Variants in U2SURP observed in about 807,000 individuals in gnomAD.
U2SURP encodes the protein U2 snRNP associated SURP domain containing.
Under a neutral mutation model 144.9 loss-of-function variants are expected in U2SURP, and 9 were observed. The ratio of observed to expected loss-of-function variants is 0.06; its 90% CI spans 0.04 to 0.11. The LOEUF (loss-of-function observed/expected upper bound fraction) is 0.11, where lower values mean the gene tolerates loss of function less well. U2SURP is among the 10% of genes least tolerant of loss of function. U2SURP has a pLI of 1.00. For missense variants in U2SURP, 724 were observed against 1,226.7 expected, an observed-to-expected ratio of 0.59 and a Z score of 6.12; for synonymous variants, 408 against 396.8, an observed-to-expected ratio of 1.03 and a Z score of -0.33.
rs1314166755 is a variant in U2SURP, at chr3:143,059,560, CATT to C, written c.*3114_*3116del. 1.3e-5 allele frequency: 2 copies of C among 151,840 alleles called. No individual in the cohort carries two copies. Among genetic ancestry groups the C allele is most frequent in the East Asian group, 1.9e-4 (1 of 5,200 alleles). 9.4% of individuals were successfully genotyped at this position (151,840 alleles called of 1,614,324 possible). A position where few individuals can be genotyped will look rare whatever the true frequency, so the allele number is the denominator to read the frequency against. On this transcript the variant is annotated 3_prime_UTR_variant, in exon 28 of 28. Coordinates refer to ENST00000473835, the MANE Select transcript of U2SURP (RefSeq NM_001080415.2). ...GACCGTGACAATAGTTTATCATCAT[CATT>C]ATTGTTATTCAAAATAAGGGTAAAT...
chr3:143,030,256 C>A (rs960839677), intron 16 of U2SURP, among the ~76,000 whole-genome samples: 2 of 152,194 alleles, frequency 1.3e-5, no homozygotes, highest in South Asian at 2.1e-4. Context: ...CTTCAAAGGA[C>A]AGGCTGACTC....
chr3:143,056,539 TGAAA>T lies in U2SURP; in HGVS notation c.*92_*95del. ...TTTTTTAAAAAAACAAAAAATCAAA[TGAAA>T]GAGCATTCCTGGGGTTTTTTGTTTG... On this transcript the variant is annotated 3_prime_UTR_variant, in exon 28 of 28. Transcript: ENST00000473835. The T allele has an allele frequency of 6.7e-7, 1 of 1,494,556 alleles. No homozygotes were observed. The highest frequency in any genetic ancestry group is 9.0e-7 in the Non-Finnish European group (1 of 1,112,020). The allele number at this position is 1,494,556 out of a possible 1,614,324, so 92.6% of individuals were successfully genotyped here.
In U2SURP at chr3:143,019,838, A is replaced by G. The variant is rs1936547105; in HGVS notation, c.571-131A>G. 3 of 426,072 alleles carry G rather than the reference A, an allele frequency of 7.0e-6. No homozygotes were observed. The East Asian group carries it at 1.1e-4, about 16-fold the overall frequency. 26.4% of individuals were successfully genotyped at this position (426,072 alleles called of 1,614,324 possible). On this transcript the variant is annotated intron_variant, in intron 6 of 27. Transcript: ENST00000473835. ...AGGGAGGTTCAATGATAAGAAAAGC[A>G]TTCTTCCTTTTTAATTTAAATAATT...
chr3:143,001,760 G>T (rs1464793143), intron 1 of U2SURP, 87 bp downstream of exon 1: 8 of 1,554,990 alleles, frequency 5.1e-6, no homozygotes, highest in Non-Finnish European at 6.1e-6. Flanking sequence ...AGAGGCGATT[G>T]GGATTGGGGT....
chr3:143,049,289 A>G lies in U2SURP; in HGVS notation c.2545-1650A>G, dbSNP rs867282235. Among the ~76,000 whole-genome samples, 508 of 149,078 alleles carry G rather than the reference A, an allele frequency of 3.4e-3. 1 individual carries two copies. The highest frequency in any genetic ancestry group is 8.5e-3 in the African/African-American group (344 of 40,476). ...TCAAAAAAAAAAAAAAAAAAAAAAA[A>G]AAAGAAAGAAAATACCACTTGGAAT... On this transcript the variant is annotated intron_variant, in intron 24 of 27. Coordinates refer to ENST00000473835, the MANE Select transcript of U2SURP (RefSeq NM_001080415.2).
intron 1 of U2SURP, among the ~76,000 whole-genome samples, chr3:143,010,501 T>G (rs889240380): frequency 3.3e-5 from 5 of 152,216 alleles, no homozygotes; most frequent in African/African-American, 9.7e-5. Flanking sequence ...TAGGAAGAGC[T>G]TTTGCATAAA....
rs1934997709 is a variant in U2SURP at position 143,053,593 on chromosome 3, T to C, written c.2656-83T>C. On this transcript the variant is annotated intron_variant, in intron 25 of 27. Coordinates refer to ENST00000473835, the MANE Select transcript of U2SURP (RefSeq NM_001080415.2). ...TAGTAATTTAAAAAATTATTTCCTGTAAGAGAAGATATTGTTCTATAAATG... is the reference window on the plus strand; with the variant it reads ...TAGTAATTTAAAAAATTATTTCCTGCAAGAGAAGATATTGTTCTATAAATG... 9 of 955,784 alleles carry C rather than the reference T, an allele frequency of 9.4e-6. No individual in the cohort carries two copies. In the East Asian group the frequency reaches 2.4e-4, roughly 26 times the overall value. The allele number at this position is 955,784 out of a possible 1,614,324, so 59.2% of individuals were successfully genotyped here. A position where few individuals can be genotyped will look rare whatever the true frequency, so the allele number is the denominator to read the frequency against.
At chr3:143,023,309 A>G (rs969986012) in intron 12 of U2SURP, 5 of 415,390 alleles carry the variant, frequency 1.2e-5, no homozygotes, top group South Asian at 1.0e-4. Flanking sequence ...TCCTTTGTCC[A>G]GTGTTGTATC....
chr3:143,035,948 A>G (rs1390747607), intron 19 of U2SURP, 34 bp from the exon 20 acceptor site: 2 of 1,564,976 alleles, frequency 1.3e-6, no homozygotes, highest in Admixed American at 2.1e-5. Context: ...ATAGCCCAAA[A>G]TAAAAGTTTG....
intron 12 of U2SURP, 58 bp from the exon 13 acceptor site, chr3:143,023,917 A>T: frequency 6.5e-7 from 1 of 1,537,792 alleles, no homozygotes; most frequent in Admixed American, 1.7e-5. Context: ...TTTGCTTGTT[A>T]CTTGTTAACA....
intron 25 of U2SURP, among the ~76,000 whole-genome samples, chr3:143,052,711 A>G (rs1291707914): frequency 1.3e-5 from 2 of 152,232 alleles, no homozygotes; most frequent in African/African-American, 4.8e-5. Context: ...GGCTCTGTAC[A>G]AAAAGTGTTT....
chr3:143,055,785 A>C (rs928817269), intron 27 of U2SURP, among the ~76,000 whole-genome samples: 3 of 152,172 alleles, frequency 2.0e-5, no homozygotes, highest in Admixed American at 2.0e-4. Flanking sequence ...GTATATGTAC[A>C]TGTATCTTTA....
At chr3:143,037,120 ACAAG>A in intron 20 of U2SURP, 55 bp from the exon 21 acceptor site, 1 of 1,527,424 alleles carries the variant, frequency 6.5e-7, no homozygotes, top group Non-Finnish European at 8.9e-7. Context: ...AATTAATCTT[ACAAG>A]CAATGTGACT....
At chr3:143,011,495 T>C (rs573388274) in intron 2 of U2SURP, among the ~76,000 whole-genome samples, 1 of 152,290 alleles carries the variant, frequency 6.6e-6, no homozygotes, top group South Asian at 2.1e-4. Flanking sequence ...TATGCCTTTT[T>C]CACCATTTTG....
intron 21 of U2SURP, 48 bp downstream of exon 21, chr3:143,037,383 A>G: frequency 1.3e-6 from 2 of 1,554,000 alleles, no homozygotes; most frequent in Non-Finnish European, 1.8e-6. Context: ...ACATTTGGTG[A>G]CCAAAACTCT....
At chr3:143,014,174 A>G (rs1420950232) in intron 3 of U2SURP, 137 bp from the exon 4 acceptor site, 1 of 481,200 alleles carries the variant, frequency 2.1e-6, no homozygotes, top group Non-Finnish European at 3.7e-6. Context: ...TGTGTAGAGT[A>G]GCCCCAACTT....
intron 1 of U2SURP, among the ~76,000 whole-genome samples, chr3:143,004,353 GTTTTTTTTTTTT>G (rs869186497): frequency 1.1e-4 from 9 of 83,426 alleles, no homozygotes; most frequent in African/African-American, 2.1e-4. Flanking sequence ...TAGTTGGGGT[GTTTTTTTTTTTT>G]TTTTTTTTTT....
intron 22 of U2SURP, 106 bp downstream of exon 22, chr3:143,038,309 C>T (rs1933919375): frequency 1.3e-6 from 1 of 787,518 alleles, no homozygotes; most frequent in Non-Finnish European, 1.9e-6. Flanking sequence ...ACGTTTTAAC[C>T]TTAATGCTCA....
At chr3:143,009,588 ACT>A (rs781139307) in intron 1 of U2SURP, among the ~76,000 whole-genome samples, 14 of 150,388 alleles carry the variant, frequency 9.3e-5, no homozygotes, top group Non-Finnish European at 2.1e-4. Flanking sequence ...ACAGAGTAAG[ACT>A]CTGTCTCAAG....
Sources: allele counts gnomAD v4.1 joint callset (sites outside exome capture counted in the v4.1 genomes callset), GRCh38; gene constraint gnomAD v4.1.1; transcripts MANE v1.5; gene names NCBI Gene and HGNC (gene_info 2026-07-23, HGNC 2026-07-21).